CCNL2: variants seen among roughly 807,000 people sequenced by gnomAD.
CCNL2 encodes the protein cyclin-L2.
CCNL2 carries 28 observed loss-of-function variants against 59.1 expected under a neutral mutation model. That is an observed-to-expected ratio of 0.47 (90% CI 0.35 to 0.65). The LOEUF (loss-of-function observed/expected upper bound fraction) is 0.65. Ranked by LOEUF, CCNL2 falls within the 30% of genes least tolerant of loss-of-function variation. The pLI is 0.00. For missense variants in CCNL2, 714 were observed against 717.4 expected, an observed-to-expected ratio of 1.00 and a Z score of 0.05; for synonymous variants, 342 against 288.6, an observed-to-expected ratio of 1.19 and a Z score of -1.88.
chr1:1,396,998 C>T (rs181309780), intron 3 of CCNL2, among the ~76,000 whole-genome samples: 1 of 151,582 alleles, frequency 6.6e-6, no homozygotes, highest in African/African-American at 2.4e-5. Context: ...CCACCCGCCT[C>T]GGCCTCCCAA....
chr1:1,390,618 G>A (rs1028413203), intron 6 of CCNL2, 55 bp from the exon 7 acceptor site: 1 of 1,518,864 alleles, frequency 6.6e-7, no homozygotes, highest in African/African-American at 1.4e-5. Flanking sequence ...CGGCCAGCAA[G>A]ACTCAGGACA....
rs547237679 is a variant in CCNL2 at position 1,399,290 on chromosome 1, G to T, written c.17C>A (p.Ala6Glu). 8 of 1,450,190 alleles carry T rather than the reference G, an allele frequency of 5.5e-6. No homozygotes were observed. The highest frequency in any genetic ancestry group is 7.2e-6 in the Non-Finnish European group (8 of 1,108,914). The allele number at this position is 1,450,190 out of a possible 1,614,324, so 89.8% of individuals were successfully genotyped here. A position where few individuals can be genotyped will look rare whatever the true frequency, so the allele number is the denominator to read the frequency against. The change falls in exon 1 of 11, where the codon GCG becomes GAG. Residue 6 changes from alanine to glutamate, a missense_variant. Transcript: ENST00000400809. MAAAA[A>E]AAGAAGSAAP... ...TGCCGACCCTGCAGCACCAGCCGCC[G>T]CCGCCGCCGCCGCCATTTTGTGCCG...
chr1:1,386,506 G>A lies in CCNL2; in HGVS notation c.*725C>T, dbSNP rs1381685601. 1.3e-5 allele frequency: 2 copies of A among 152,676 alleles called. No homozygotes were observed. The highest frequency in any genetic ancestry group is 2.9e-5 in the Non-Finnish European group (2 of 68,072). 9.5% of individuals were successfully genotyped at this position (152,676 alleles called of 1,614,324 possible). A position where few individuals can be genotyped will look rare whatever the true frequency, so the allele number is the denominator to read the frequency against. The stretch of plus-strand genomic sequence containing the variant: ...TAACGCTCCGGATGTCCTGAGTGGA[G>A]AGAGTTGTGTTTATTCACCATGTCA... On this transcript the variant is annotated 3_prime_UTR_variant, in exon 11 of 11. Coordinates refer to ENST00000400809, the MANE Select transcript of CCNL2 (RefSeq NM_030937.6).
At chr1:1,394,752 GAAAAAAAAA>G (rs745453245) in intron 4 of CCNL2, among the ~76,000 whole-genome samples, 3 of 42,796 alleles carry the variant, frequency 7.0e-5, no homozygotes, top group African/African-American at 1.5e-4. Context: ...TCCGTCTCAA[GAAAAAAAAA>G]AAAAAAAAAA....
At chr1:1,392,397 A>C in intron 5 of CCNL2, 1 of 1,101,746 alleles carries the variant, frequency 9.1e-7, no homozygotes, top group Non-Finnish European at 1.1e-6. Flanking sequence ...AAAGCTGCTC[A>C]AAAGAGCAAC....
chr1:1,386,830 TC>T lies in CCNL2; in HGVS notation c.*400del, dbSNP rs199680791. Reference sequence around the variant, plus strand: ...AGTACAACCTAATATAGGCAAAGGTTCTAAAAATCATCTTTCTTGGCTTCAC... The same window carrying T: ...AGTACAACCTAATATAGGCAAAGGTTTAAAAATCATCTTTCTTGGCTTCAC... On this transcript the variant is annotated 3_prime_UTR_variant, in exon 11 of 11. Coordinates refer to ENST00000400809, the MANE Select transcript of CCNL2 (RefSeq NM_030937.6). 3,437 of 185,642 alleles carry T rather than the reference TC, an allele frequency of 0.019. 86 individuals are homozygous for T. Among genetic ancestry groups the T allele is most frequent in the African/African-American group, 0.056 (2,387 of 42,814 alleles). The allele number at this position is 185,642 out of a possible 1,614,324, so 11.5% of individuals were successfully genotyped here.
At chr1:1,392,617 CAAG>C (rs947822827) in intron 5 of CCNL2, 9 of 1,452,502 alleles carry the variant, frequency 6.2e-6, no homozygotes, top group African/African-American at 1.4e-5. Context: ...AGAGGATTAA[CAAG>C]AAGCACAATC....
chr1:1,385,878 A>C lies in CCNL2; in HGVS notation c.*1353T>G, dbSNP rs1403918461. On this transcript the variant is annotated 3_prime_UTR_variant, in exon 11 of 11. Coordinates refer to ENST00000400809, the MANE Select transcript of CCNL2 (RefSeq NM_030937.6). ...GGCCCCTCATAGCTGCTCTCCCTGG[A>C]AGGACACCCTCCCTGGAGTCTCCTC... The C allele has an allele frequency of 2.0e-5, 3 of 151,676 alleles. No individual in the cohort carries two copies. The highest frequency in any genetic ancestry group is 7.2e-5 in the African/African-American group (3 of 41,454). 9.4% of individuals were successfully genotyped at this position (151,676 alleles called of 1,614,324 possible). A position where few individuals can be genotyped will look rare whatever the true frequency, so the allele number is the denominator to read the frequency against.
In CCNL2 at chr1:1,392,149, A is replaced by G. The variant is rs573859238; in HGVS notation, c.659+1247T>C. ...CCGTGTGGCCCCAGCCCCTGATGCAAGCGTGCCAGTGCACAGCTCTAACAC... is the reference window on the plus strand; with the variant it reads ...CCGTGTGGCCCCAGCCCCTGATGCAGGCGTGCCAGTGCACAGCTCTAACAC... On this transcript the variant is annotated intron_variant, in intron 5 of 10. Transcript: ENST00000400809. The G allele has an allele frequency of 2.6e-5, 7 of 272,634 alleles. 1 individual carries two copies. The South Asian group carries it at 9.4e-4, about 36-fold the overall frequency. The allele number at this position is 272,634 out of a possible 1,614,324, so 16.9% of individuals were successfully genotyped here.
At chr1:1,388,411 C>A (rs1569891092) in intron 8 of CCNL2, 1 of 417,804 alleles carries the variant, frequency 2.4e-6, no homozygotes, top group East Asian at 7.0e-5. Flanking sequence ...GTCCCAGCTA[C>A]TCCAGAGGCT....
chr1:1,387,477 T>A lies in CCNL2; in HGVS notation c.1317A>T (p.Lys439Asn), dbSNP rs1247083361. 1.2e-6 allele frequency: 2 copies of A among 1,610,124 alleles called. No homozygotes were observed. Among genetic ancestry groups the A allele is most frequent in the South Asian group, 2.2e-5 (2 of 90,928 alleles). Residue 439 changes from lysine to asparagine, a missense_variant, in exon 11 of 11, where the codon AAA becomes AAT. Coordinates refer to ENST00000400809, the MANE Select transcript of CCNL2 (RefSeq NM_030937.6). ...TCCGGGAGCCCCGAATCTCAGAGCC[T>A]TTGTAGGGAGCGCTGCGGGGGGCCT... Reference protein sequence around the residue: ...PRQAPRSAPYKGSEIRGSRKS... With the variant: ...PRQAPRSAPYNGSEIRGSRKS...
At chr1:1,392,147 C>T in intron 5 of CCNL2, 1 of 268,166 alleles carries the variant, frequency 3.7e-6, no homozygotes, top group Non-Finnish European at 5.8e-6. Context: ...GCCCCTGATG[C>T]AAGCGTGCCA....
At position 1,387,950 on chromosome 1, in the gene CCNL2, C is replaced by T. The variant is rs1294148057; in HGVS notation, c.1118+4G>A. 1.2e-6 allele frequency: 2 copies of T among 1,613,902 alleles called. No homozygotes were observed. Among genetic ancestry groups the T allele is most frequent in the South Asian group, 1.1e-5 (1 of 91,080 alleles). On this transcript the variant is annotated splice_donor_region_variant and intron_variant, in intron 9 of 10. Coordinates refer to ENST00000400809, the MANE Select transcript of CCNL2 (RefSeq NM_030937.6). Reference sequence around the variant, plus strand: ...CAGCCACCTGGGCAGCCCTGGGGTCCTACCCGTTCACGGGGCTGTCCGCCT... The same window carrying T: ...CAGCCACCTGGGCAGCCCTGGGGTCTTACCCGTTCACGGGGCTGTCCGCCT...
intron 7 of CCNL2, 42 bp from the exon 8 acceptor site, chr1:1,390,413 T>C (rs767944788): frequency 6.2e-6 from 10 of 1,610,920 alleles, no homozygotes; most frequent in Middle Eastern, 1.6e-4. Flanking sequence ...CAGGTGTTTC[T>C]GGCCAAACAC....
At chr1:1,394,082 G>A (rs970420889) in intron 4 of CCNL2, among the ~76,000 whole-genome samples, 9 of 149,940 alleles carry the variant, frequency 6.0e-5, no homozygotes, top group South Asian at 2.1e-4. Context: ...CTGAGGTTGC[G>A]CCATTGCACT....
intron 5 of CCNL2, chr1:1,392,939 C>G (rs1644830430): frequency 4.7e-6 from 4 of 846,780 alleles, no homozygotes; most frequent in Middle Eastern, 2.2e-4. Flanking sequence ...ACCAGAATCC[C>G]CAGAATCCCC....
At chr1:1,396,168 GAC>G (rs965215935) in intron 3 of CCNL2, among the ~76,000 whole-genome samples, 3 of 125,464 alleles carry the variant, frequency 2.4e-5, no homozygotes, top group African/African-American at 9.4e-5. Context: ...GACACGGTGA[GAC>G]ACAGTGAGAG....
At chr1:1,395,543 C>T in intron 3 of CCNL2, 29 bp from the exon 4 acceptor site, 1 of 1,613,026 alleles carries the variant, frequency 6.2e-7, no homozygotes. Flanking sequence ...AGGGTCTGCA[C>T]CACAGTCAAG....
chr1:1,387,733 C>A (rs1299818915), intron 10 of CCNL2, 44 bp downstream of exon 10: 1 of 1,536,418 alleles, frequency 6.5e-7, no homozygotes, highest in Non-Finnish European at 8.9e-7. Flanking sequence ...GAGGGACAGC[C>A]CCACCCCGGT....
Sources: gnomAD v4.1 joint callset for allele counts (sites outside exome capture counted in the v4.1 genomes callset) on GRCh38, gnomAD v4.1.1 for gene constraint, MANE v1.5 for transcripts, NCBI Gene and HGNC (gene_info 2026-07-23, HGNC 2026-07-21) for gene names.